Variants in CDIN1 observed in about 807,000 individuals in gnomAD.
The protein encoded by CDIN1 is CDAN1 interacting nuclease 1.
A neutral mutation model predicts 45.3 loss-of-function variants in CDIN1; 33 were observed. The observed-to-expected ratio is 0.73, with a 90% CI of 0.55 to 0.97. CDIN1 has a LOEUF of 0.97. Ranked by LOEUF, CDIN1 falls within the 50% of genes least tolerant of loss-of-function variation. The pLI, the probability that CDIN1 is intolerant of heterozygous loss-of-function variation, is 0.00. For synonymous variants in CDIN1, 118 were observed against 124.4 expected, an observed-to-expected ratio of 0.95 and a Z score of 0.34; for missense variants, 303 against 339.4, an observed-to-expected ratio of 0.89 and a Z score of 0.84.
intron 10 of CDIN1, among the ~76,000 whole-genome samples, chr15:36,777,087 C>T (rs1423025671): frequency 6.6e-6 from 1 of 152,040 alleles, no homozygotes; most frequent in Non-Finnish European, 1.5e-5. Context: ...AAATACTTAT[C>T]AGTAGGGATT....
intron 10 of CDIN1, chr15:36,747,090 T>A (rs2044472766): frequency 2.5e-6 from 1 of 398,094 alleles, no homozygotes; most frequent in African/African-American, 2.1e-5. Flanking sequence ...CAAAAAACAT[T>A]TTCAAATTGT....
chr15:36,699,896 A>T, intron 8 of CDIN1, among the ~76,000 whole-genome samples: 1 of 152,162 alleles, frequency 6.6e-6, no homozygotes, highest in East Asian at 1.9e-4. Flanking sequence ...AAACTTATCC[A>T]ATTTGTACTT....
chr15:36,725,891 A>G (rs1196220944), intron 10 of CDIN1, among the ~76,000 whole-genome samples: 1 of 152,196 alleles, frequency 6.6e-6, no homozygotes, highest in African/African-American at 2.4e-5. Flanking sequence ...GCAGCTATTC[A>G]GGAAGATTTT....
At chr15:36,701,852 C>T (rs1478481206) in intron 8 of CDIN1, among the ~76,000 whole-genome samples, 1 of 152,146 alleles carries the variant, frequency 6.6e-6, no homozygotes, top group Non-Finnish European at 1.5e-5. Flanking sequence ...AGAGTATAAT[C>T]TGTAAAGCCA....
chr15:36,756,111 G>A (rs1192766561), intron 10 of CDIN1: 1 of 455,994 alleles, frequency 2.2e-6, no homozygotes, highest in African/African-American at 2.0e-5. Flanking sequence ...AACATGGTGA[G>A]CTTTATTGGT....
chr15:36,643,717 G>A (rs1350058372), intron 1 of CDIN1, among the ~76,000 whole-genome samples: 1 of 152,174 alleles, frequency 6.6e-6, no homozygotes, highest in Non-Finnish European at 1.5e-5. Flanking sequence ...TCACTCCAAG[G>A]ACCTCTGCTT....
intron 10 of CDIN1, among the ~76,000 whole-genome samples, chr15:36,721,894 C>T (rs2043431985): frequency 6.6e-6 from 1 of 151,994 alleles, no homozygotes; most frequent in South Asian, 2.1e-4. Context: ...TTCCTCAACT[C>T]AGGGAGACTG....
At chr15:36,680,973 A>G (rs1160489179) in intron 5 of CDIN1, among the ~76,000 whole-genome samples, 1 of 152,182 alleles carries the variant, frequency 6.6e-6, no homozygotes, top group Non-Finnish European at 1.5e-5. Context: ...CTTGCTGAAA[A>G]TAAGCTCCCA....
intron 8 of CDIN1, among the ~76,000 whole-genome samples, chr15:36,698,145 GAAC>G (rs1293227011): frequency 6.6e-6 from 1 of 152,104 alleles, no homozygotes; most frequent in Non-Finnish European, 1.5e-5. Context: ...ACAAAAAATA[GAAC>G]AACATTGGAT....
chr15:36,579,717 T>A lies in CDIN1; in HGVS notation c.-144T>A. The A allele has an allele frequency of 3.2e-6, 2 of 631,338 alleles. No homozygotes were observed. The highest frequency in any genetic ancestry group is 2.8e-5 in the East Asian group (1 of 35,346). The allele number at this position is 631,338 out of a possible 1,614,324, so 39.1% of individuals were successfully genotyped here. A position where few individuals can be genotyped will look rare whatever the true frequency, so the allele number is the denominator to read the frequency against. ...CCCCGCTTTTGCAGCTAGGGGTGTG[T>A]TTCAGGGGGGATTGGGGCAAGCCAA... On this transcript the variant is annotated 5_prime_UTR_variant, in exon 1 of 11. Coordinates refer to ENST00000566621, the MANE Select transcript of CDIN1 (RefSeq NM_001321759.2).
At chr15:36,760,517 G>A (rs911011351) in intron 10 of CDIN1, among the ~76,000 whole-genome samples, 1 of 152,148 alleles carries the variant, frequency 6.6e-6, no homozygotes. Context: ...CAGTTCTTAG[G>A]AACTTTTAAT....
intron 1 of CDIN1, among the ~76,000 whole-genome samples, chr15:36,642,222 T>C (rs1013513714): frequency 6.6e-6 from 1 of 152,194 alleles, no homozygotes; most frequent in Non-Finnish European, 1.5e-5. Flanking sequence ...ACTTTCCTGC[T>C]CCTTATGGTG....
intron 10 of CDIN1, among the ~76,000 whole-genome samples, chr15:36,714,238 A>C (rs1266779623): frequency 1.3e-5 from 2 of 152,194 alleles, no homozygotes; most frequent in East Asian, 3.8e-4. Context: ...TATTTAACAT[A>C]AAGATTTTTA....
intron 1 of CDIN1, among the ~76,000 whole-genome samples, chr15:36,601,906 C>T (rs2038125750): frequency 6.6e-6 from 1 of 152,220 alleles, no homozygotes; most frequent in African/African-American, 2.4e-5. Flanking sequence ...CATAGCATCA[C>T]TGAATCATTA....
At chr15:36,744,610 C>A (rs1263355128) in intron 10 of CDIN1, among the ~76,000 whole-genome samples, 2 of 152,142 alleles carry the variant, frequency 1.3e-5, no homozygotes, top group African/African-American at 2.4e-5. Context: ...TGAATGAATA[C>A]ATTTTTTTTC....
chr15:36,618,337 CTG>C, intron 1 of CDIN1: 2 of 677,072 alleles, frequency 3.0e-6, no homozygotes, highest in Non-Finnish European at 5.4e-6. Context: ...CCTACAGTAA[CTG>C]GGGATTAGGA....
chr15:36,654,116 GA>G lies in CDIN1; in HGVS notation c.236del (p.Asn79MetfsTer20). The part of the protein sequence containing the change: ...YYQRYLNGVV[K>X]NGAAPVLLDL... ...TGTCTAGGTACCTGAATGGAGTGGTGAAAAATGGAGCTGCCCCAGTGCTCCT... is the reference window on the plus strand; with the variant it reads ...TGTCTAGGTACCTGAATGGAGTGGTGAAAATGGAGCTGCCCCAGTGCTCCT... On this transcript the variant is annotated frameshift_variant, in exon 4 of 11. Transcript: ENST00000566621. LOFTEE classifies it high-confidence loss of function. The G allele has an allele frequency of 1.3e-6, 2 of 1,578,688 alleles. No homozygotes were observed. The highest frequency in any genetic ancestry group is 1.7e-6 in the Non-Finnish European group (2 of 1,159,926).
intron 1 of CDIN1, among the ~76,000 whole-genome samples, chr15:36,629,961 G>A (rs2039613713): frequency 6.6e-6 from 1 of 152,026 alleles, no homozygotes; most frequent in African/African-American, 2.4e-5. Context: ...AAGATCTGAC[G>A]GCTCTTTTAG....
rs144533313 is a variant in CDIN1 at position 36,604,418 on chromosome 15, TACACAC to T, written c.101+24491_101+24496del. On this transcript the variant is annotated intron_variant, in intron 1 of 10. Transcript: ENST00000566621. ...ATGTTCTTCTATGACTTTTAAAAGGTACACACACACACACACACACACACACACACA... is the reference window on the plus strand; with the variant it reads ...ATGTTCTTCTATGACTTTTAAAAGGTACACACACACACACACACACACACA... 1.6e-4 allele frequency among the ~76,000 whole-genome samples: 21 copies of T among 128,860 alleles called. No homozygotes were observed. The South Asian group carries it at 2.8e-3, about 17-fold the overall frequency. 84.5% of individuals were successfully genotyped at this position (128,860 alleles called of 152,430 possible). A position where few individuals can be genotyped will look rare whatever the true frequency, so the allele number is the denominator to read the frequency against.
Sources: gnomAD v4.1 joint callset for allele counts (sites outside exome capture counted in the v4.1 genomes callset) on GRCh38, gnomAD v4.1.1 for gene constraint, MANE v1.5 for transcripts, NCBI Gene and HGNC (gene_info 2026-07-23, HGNC 2026-07-21) for gene names.